The following B4GALT6 variants were observed in gnomAD, a reference collection of about 807,000 sequenced individuals.
The protein encoded by B4GALT6 is UDP-Gal:beta-GlcNAc beta-1,4-galactosyltransferase 6.
B4GALT6 carries 14 observed loss-of-function variants against 46.3 expected under a neutral mutation model. That is an observed-to-expected ratio of 0.30 (90% CI 0.20 to 0.47). The LOEUF is 0.47. Among genes scored for constraint, B4GALT6 ranks in the 20% least tolerant of loss-of-function variants. The probability of loss-of-function intolerance (pLI) is 0.99; values close to 1 mark genes in which losing one functional copy is unlikely to be tolerated. For synonymous variants in B4GALT6, 168 were observed against 162.0 expected (o/e 1.04, Z -0.28); for missense variants, 386 against 480.1 (o/e 0.80, Z 1.83).
chr18:31,717,973 T>G, the B4GALT6 span, among the ~76,000 whole-genome samples: 10 of 126,972 alleles, frequency 7.9e-5, no homozygotes, highest in African/African-American at 2.5e-4. Context: ...AAAAAAAAGA[T>G]ATTATATATT....
chr18:31,633,374 G>C (rs1466546963), intron 5 of B4GALT6, among the ~76,000 whole-genome samples: 1 of 151,970 alleles, frequency 6.6e-6, no homozygotes, highest in Non-Finnish European at 1.5e-5. Context: ...CTTACATTAG[G>C]TCAGCATACA....
intron 1 of B4GALT6, among the ~76,000 whole-genome samples, chr18:31,671,963 G>A (rs2074362031): frequency 6.6e-6 from 1 of 152,080 alleles, no homozygotes; most frequent in Non-Finnish European, 1.5e-5. Context: ...AAGCTTTTGG[G>A]CCAGGCATTC....
chr18:31,673,374 G>A (rs1039383486), intron 1 of B4GALT6, among the ~76,000 whole-genome samples: 1 of 152,192 alleles, frequency 6.6e-6, no homozygotes. Flanking sequence ...TTAAGAAGGC[G>A]TGGTCTGGAG....
the B4GALT6 span, chr18:31,724,565 G>T: frequency 9.6e-7 from 1 of 1,046,462 alleles, no homozygotes; most frequent in South Asian, 3.5e-5. Flanking sequence ...CTCAGAGTTT[G>T]GTTCCATTCT....
At chr18:31,638,620 G>C (rs373687407) in intron 5 of B4GALT6, 24 bp downstream of exon 5, 253 of 1,507,172 alleles carry the variant, frequency 1.7e-4, no homozygotes, top group Non-Finnish European at 2.3e-4. Flanking sequence ...TATACTTAGT[G>C]ACCACTATGA....
chr18:31,710,104 A>G, the B4GALT6 span, among the ~76,000 whole-genome samples: 2 of 151,882 alleles, frequency 1.3e-5, no homozygotes, highest in African/African-American at 2.4e-5. Context: ...CAAAAAAAAA[A>G]AAAAGAAAAG....
chr18:31,717,512 G>A, the B4GALT6 span, among the ~76,000 whole-genome samples: 1 of 151,998 alleles, frequency 6.6e-6, no homozygotes, highest in South Asian at 2.1e-4. Flanking sequence ...GAAATAAATG[G>A]CTAGTTAAAA....
At chr18:31,629,859 A>G (rs1352178224) in intron 6 of B4GALT6, among the ~76,000 whole-genome samples, 2 of 151,154 alleles carry the variant, frequency 1.3e-5, no homozygotes, top group African/African-American at 4.9e-5. Context: ...CAAAAAAAAA[A>G]AAAAAAGAAA....
the B4GALT6 span, among the ~76,000 whole-genome samples, chr18:31,708,572 A>G: frequency 1.3e-5 from 2 of 152,114 alleles, no homozygotes; most frequent in Non-Finnish European, 2.9e-5. Context: ...TCAATAAAAA[A>G]TAAAAATAAA....
At chr18:31,671,515 T>C (rs2074357314) in intron 1 of B4GALT6, among the ~76,000 whole-genome samples, 1 of 152,228 alleles carries the variant, frequency 6.6e-6, no homozygotes. Flanking sequence ...GAGCATTTTT[T>C]CATATGTCTG....
In B4GALT6 at chr18:31,655,749, T is replaced by C. The variant is rs147642972; in HGVS notation, c.346+2227A>G. Among the ~76,000 whole-genome samples, 641 of 152,338 alleles carry C rather than the reference T, an allele frequency of 4.2e-3. 6 individuals carry two copies. Among genetic ancestry groups the C allele is most frequent in the African/African-American group, 0.015 (626 of 41,580 alleles). On this transcript the variant is annotated intron_variant, in intron 3 of 8. Coordinates refer to ENST00000306851, the MANE Select transcript of B4GALT6 (RefSeq NM_004775.5). ...TGTAATCAATATTTCAACAGAACAT[T>C]ACCCAGTGGTTTCAGTATTACACAG... is the stretch of plus-strand genomic sequence containing the variant.
At chr18:31,722,745 G>A in the B4GALT6 span, among the ~76,000 whole-genome samples, 332 of 152,238 alleles carry the variant, frequency 2.2e-3, 1 homozygote, top group African/African-American at 7.6e-3. Context: ...CTATCACGGT[G>A]GGAAGAATCA....
the B4GALT6 span, among the ~76,000 whole-genome samples, chr18:31,709,546 G>A: frequency 2.4e-5 from 3 of 124,474 alleles, no homozygotes; most frequent in African/African-American, 9.5e-5. Flanking sequence ...GGATCAATAG[G>A]ATATATATGT....
chr18:31,629,618 G>A (rs1244096493), intron 6 of B4GALT6, among the ~76,000 whole-genome samples: 2 of 150,660 alleles, frequency 1.3e-5, no homozygotes, highest in Admixed American at 6.6e-5. Flanking sequence ...GGGAGGCCGA[G>A]GCGGGTGGAT....
chr18:31,723,257 A>G, the B4GALT6 span, among the ~76,000 whole-genome samples: 550 of 152,256 alleles, frequency 3.6e-3, 6 homozygotes, highest in Non-Finnish European at 3.2e-3. Flanking sequence ...TCATTATCCC[A>G]TGAAATCCTC....
intron 1 of B4GALT6, among the ~76,000 whole-genome samples, chr18:31,668,058 C>A (rs1025877819): frequency 1.3e-5 from 2 of 150,580 alleles, no homozygotes; most frequent in Non-Finnish European, 2.9e-5. Context: ...GACTGCGCCA[C>A]TGCACTCCAG....
Position 31,657,986 on chromosome 18 carries a change from C to A in B4GALT6, c.336G>T (p.Leu112=). ...YSPYLPCPEK[L]PYMRGFLNVN... ...TAGATGACGACTTACGCATATAAGG[C>A]AGCTTTTCTGGACAGGGGAGGTATG... Residue 112 remains leucine (L), a synonymous_variant, in exon 3 of 9, where the codon CTG becomes CTT. Coordinates refer to ENST00000306851, the MANE Select transcript of B4GALT6 (RefSeq NM_004775.5). 1 of 1,611,866 alleles carries A rather than the reference C, an allele frequency of 6.2e-7. No individual in the cohort carries two copies. The highest frequency in any genetic ancestry group is 1.7e-4 in the Middle Eastern group (1 of 6,058).
the B4GALT6 span, among the ~76,000 whole-genome samples, chr18:31,714,935 C>G: frequency 6.6e-6 from 1 of 152,182 alleles, no homozygotes; most frequent in Non-Finnish European, 1.5e-5. Context: ...GGCTTGCCAG[C>G]TTTAACAAGT....
intron 3 of B4GALT6, among the ~76,000 whole-genome samples, chr18:31,652,692 T>C (rs911753987): frequency 6.6e-6 from 1 of 152,184 alleles, no homozygotes; most frequent in African/African-American, 2.4e-5. Flanking sequence ...CAGTTCATGG[T>C]CACCAAGTCA....
Sources: allele counts gnomAD v4.1 joint callset (sites outside exome capture counted in the v4.1 genomes callset), GRCh38; gene constraint gnomAD v4.1.1; transcripts MANE v1.5; gene names NCBI Gene and HGNC (gene_info 2026-07-23, HGNC 2026-07-21).